The following PDE4D variants were observed in gnomAD, a reference collection of about 807,000 sequenced individuals.
PDE4D encodes the protein phosphodiesterase 4D.
Under a neutral mutation model 87.4 loss-of-function variants are expected in PDE4D, and 24 were observed. The observed-to-expected ratio is 0.27, with a 90% CI of 0.20 to 0.39. The LOEUF is 0.39. Ranked by LOEUF, PDE4D falls within the 10% of genes least tolerant of loss-of-function variation. The pLI is 1.00. For synonymous variants in PDE4D, 384 were observed against 383.2 expected (o/e 1.00, Z -0.02); for missense variants, 714 against 1,041.0 (o/e 0.69, Z 4.32).
intron 2 of PDE4D, among the ~76,000 whole-genome samples, chr5:60,148,418 G>A (rs1408006778): frequency 1.3e-5 from 2 of 152,094 alleles, no homozygotes; most frequent in Non-Finnish European, 2.9e-5. Context: ...GTTATTAGCA[G>A]TATTCTAGAG....
chr5:59,504,402 A>G (rs16889912), intron 1 of PDE4D, among the ~76,000 whole-genome samples: 12,414 of 152,204 alleles, frequency 0.082, 1,584 homozygotes, highest in African/African-American at 0.27. Flanking sequence ...GTTCAAAAGG[A>G]AAGTCCACCA....
intron 1 of PDE4D, among the ~76,000 whole-genome samples, chr5:60,279,875 T>G (rs1299775076): frequency 6.6e-6 from 1 of 151,572 alleles, no homozygotes; most frequent in Non-Finnish European, 1.5e-5. Flanking sequence ...AGAGATGGGG[T>G]TTCACTATAT....
At chr5:59,982,842 T>C (rs959481688) in intron 3 of PDE4D, among the ~76,000 whole-genome samples, 4 of 152,168 alleles carry the variant, frequency 2.6e-5, no homozygotes, top group Admixed American at 2.6e-4. Context: ...TGAAGCCAAT[T>C]CCAATAAGTA....
chr5:59,869,965 T>C (rs1747584110), intron 1 of PDE4D, among the ~76,000 whole-genome samples: 1 of 152,200 alleles, frequency 6.6e-6, no homozygotes, highest in Non-Finnish European at 1.5e-5. Context: ...GGAGTCCAGC[T>C]TCAACATTCT....
intron 2 of PDE4D, among the ~76,000 whole-genome samples, chr5:60,171,021 C>CT (rs1783378873): frequency 1.3e-5 from 2 of 151,980 alleles, no homozygotes; most frequent in South Asian, 4.1e-4. Context: ...AATAAAGAAA[C>CT]TATCTTCTAG....
chr5:59,827,329 A>G (rs1239170759), intron 1 of PDE4D, among the ~76,000 whole-genome samples: 4 of 152,124 alleles, frequency 2.6e-5, no homozygotes, highest in Non-Finnish European at 4.4e-5. Flanking sequence ...TGTGGAAAGC[A>G]AGAATGATTT....
At chr5:59,071,417 C>T (rs891482120) in intron 5 of PDE4D, among the ~76,000 whole-genome samples, 2 of 151,868 alleles carry the variant, frequency 1.3e-5, no homozygotes, top group African/African-American at 4.8e-5. Context: ...GTATTTTCTA[C>T]CTTTTTGTAT....
chr5:60,421,615 A>G (rs188756492), intron 1 of PDE4D, among the ~76,000 whole-genome samples: 27 of 152,356 alleles, frequency 1.8e-4, no homozygotes, highest in African/African-American at 5.5e-4. Flanking sequence ...TAAAAATTCT[A>G]AAAACCAGAG....
chr5:60,311,546 T>C (rs1420911276), intron 1 of PDE4D, among the ~76,000 whole-genome samples: 1 of 152,174 alleles, frequency 6.6e-6, no homozygotes, highest in African/African-American at 2.4e-5. Flanking sequence ...AGACCTGCAT[T>C]ACAAGAAGTC....
intron 1 of PDE4D, among the ~76,000 whole-genome samples, chr5:60,252,855 C>A (rs868607853): frequency 6.6e-6 from 1 of 151,794 alleles, no homozygotes; most frequent in East Asian, 1.9e-4. Context: ...CCATCCCATG[C>A]CACATCTCGA....
intron 1 of PDE4D, among the ~76,000 whole-genome samples, chr5:60,503,368 T>A (rs761951135): frequency 6.6e-6 from 1 of 152,200 alleles, no homozygotes; most frequent in Non-Finnish European, 1.5e-5. Flanking sequence ...GATACTCTGC[T>A]ATGTGTGCTG....
chr5:59,155,877 A>G (rs1333251568), intron 5 of PDE4D, among the ~76,000 whole-genome samples: 1 of 152,142 alleles, frequency 6.6e-6, no homozygotes, highest in Non-Finnish European at 1.5e-5. Flanking sequence ...AAGAGGATGT[A>G]GGAGCTGAGG....
chr5:60,420,546 T>TA (rs1337804508), intron 1 of PDE4D, among the ~76,000 whole-genome samples: 1 of 152,030 alleles, frequency 6.6e-6, no homozygotes, highest in Non-Finnish European at 1.5e-5. Flanking sequence ...CAGTATGCAA[T>TA]AAAAAATCAC....
intron 1 of PDE4D, among the ~76,000 whole-genome samples, chr5:59,357,493 GAGAAAAAAAA>G (rs1781577282): frequency 2.6e-5 from 4 of 151,792 alleles, no homozygotes; most frequent in Admixed American, 6.6e-5. Context: ...AAGTCAGTGT[GAGAAAAAAAA>G]ACAGGCAGAT....
At chr5:60,057,624 C>G (rs1770920967) in intron 2 of PDE4D, among the ~76,000 whole-genome samples, 1 of 151,886 alleles carries the variant, frequency 6.6e-6, no homozygotes, top group East Asian at 1.9e-4. Flanking sequence ...TTTTTGAGGA[C>G]AGTGAATATG....
chr5:59,514,049 A>G (rs1424972261), intron 1 of PDE4D, among the ~76,000 whole-genome samples: 1 of 152,158 alleles, frequency 6.6e-6, no homozygotes, highest in Non-Finnish European at 1.5e-5. Context: ...TCATGAAGCA[A>G]ATTAAGCTTT....
chr5:59,131,956 A>G (rs919660158), intron 5 of PDE4D, among the ~76,000 whole-genome samples: 5 of 152,088 alleles, frequency 3.3e-5, no homozygotes, highest in African/African-American at 9.7e-5. Flanking sequence ...CTAGTCGCGT[A>G]TGGCTCCAAC....
chr5:59,264,707 C>A (rs1391872812), intron 1 of PDE4D, among the ~76,000 whole-genome samples: 1 of 151,922 alleles, frequency 6.6e-6, no homozygotes, highest in African/African-American at 2.4e-5. Context: ...CAAAATAATG[C>A]TTTTACAGTT....
intron 1 of PDE4D, among the ~76,000 whole-genome samples, chr5:59,497,827 C>G (rs1298194139): frequency 2.0e-5 from 3 of 151,894 alleles, no homozygotes; most frequent in Admixed American, 2.0e-4. Context: ...CAGAGAATTC[C>G]TGGAAGAATA....
Sources: gnomAD v4.1 joint callset for allele counts (sites outside exome capture counted in the v4.1 genomes callset) on GRCh38, gnomAD v4.1.1 for gene constraint, MANE v1.5 for transcripts, NCBI Gene and HGNC (gene_info 2026-07-23, HGNC 2026-07-21) for gene names.